The following CNNM2 variants were observed in gnomAD, a reference collection of about 807,000 sequenced individuals.
CNNM2 encodes the protein cyclin and CBS domain divalent metal cation transport mediator 2, also known as metal transporter CNNM2.
A neutral mutation model predicts 66.9 loss-of-function variants in CNNM2; 12 were observed. That is an observed-to-expected ratio of 0.18 (90% CI 0.11 to 0.29). CNNM2 has a LOEUF of 0.29. CNNM2 is among the 10% of genes least tolerant of loss of function. The pLI is 1.00. For synonymous variants in CNNM2, 557 were observed against 501.8 expected (o/e 1.11, Z -1.47); for missense variants, 705 against 1,167.7 (o/e 0.60, Z 5.77).
intron 4 of CNNM2, 112 bp downstream of exon 4, chr10:103,057,076 C>G (rs1395965672): frequency 9.7e-7 from 1 of 1,030,718 alleles, no homozygotes; most frequent in African/African-American, 1.6e-5. Flanking sequence ...TAGGGGGTAG[C>G]CTTAGACATG....
chr10:103,055,514 A>T (rs2065281216), intron 3 of CNNM2, among the ~76,000 whole-genome samples: 1 of 152,282 alleles, frequency 6.6e-6, no homozygotes, highest in Non-Finnish European at 1.5e-5. Flanking sequence ...ACACATGTAT[A>T]CATGAGCACA....
intron 7 of CNNM2, 29 bp downstream of exon 7, chr10:103,076,299 A>C: frequency 6.5e-7 from 1 of 1,548,506 alleles, no homozygotes; most frequent in Non-Finnish European, 8.7e-7. Flanking sequence ...GTGTGGCTGG[A>C]CCTGGCAGTT....
chr10:103,055,218 G>A (rs2065276978), intron 3 of CNNM2, among the ~76,000 whole-genome samples: 1 of 152,182 alleles, frequency 6.6e-6, no homozygotes, highest in African/African-American at 2.4e-5. Flanking sequence ...GGGGAAGTGT[G>A]AGAAAGTCTA....
At position 102,968,622 on chromosome 10, in the gene CNNM2, TC is replaced by T. The variant is rs1277547863; in HGVS notation, c.1621+48522del. 5.9e-5 allele frequency among the ~76,000 whole-genome samples: 9 copies of T among 151,900 alleles called. No individual in the cohort carries two copies. In the East Asian group the frequency reaches 1.5e-3, roughly 26 times the overall value. On this transcript the variant is annotated intron_variant, in intron 1 of 7. Coordinates refer to ENST00000369878, the MANE Select transcript of CNNM2 (RefSeq NM_017649.5). ...GGAGTGTAGTGCTTTTTTTTTTTTT[TC>T]TTTGAGACAGGGTCTTGCTCTGCCT... is the stretch of plus-strand genomic sequence containing the variant.
At chr10:103,060,499 C>T (rs903201598) in intron 4 of CNNM2, among the ~76,000 whole-genome samples, 7 of 151,334 alleles carry the variant, frequency 4.6e-5, no homozygotes, top group African/African-American at 1.7e-4. Flanking sequence ...GAGCCGAGAT[C>T]GTGCCACTGC....
chr10:103,017,658 A>G (rs1430260795), intron 1 of CNNM2, among the ~76,000 whole-genome samples: 1 of 152,212 alleles, frequency 6.6e-6, no homozygotes, highest in Non-Finnish European at 1.5e-5. Context: ...ATAAACAGCA[A>G]GAAGTGCCTA....
chr10:102,984,094 A>G (rs1016006336), intron 1 of CNNM2, among the ~76,000 whole-genome samples: 2 of 152,202 alleles, frequency 1.3e-5, no homozygotes, highest in Non-Finnish European at 2.9e-5. Flanking sequence ...GGTTGGCAGT[A>G]GTTGTTCAGT....
intron 1 of CNNM2, among the ~76,000 whole-genome samples, chr10:103,045,987 TG>T (rs1029650162): frequency 1.3e-5 from 2 of 152,212 alleles, no homozygotes; most frequent in African/African-American, 4.8e-5. Flanking sequence ...AATAATATAG[TG>T]GGGTTTTTTC....
rs563314757 is a variant in CNNM2, at chr10:103,087,608, C to T, written c.*10428C>T. 1 of 152,276 alleles carries T rather than the reference C, an allele frequency of 6.6e-6. No homozygotes were observed. The highest frequency in any genetic ancestry group is 2.4e-5 in the African/African-American group (1 of 41,562). The allele number at this position is 152,276 out of a possible 1,614,324, so 9.4% of individuals were successfully genotyped here. ...TAAATGTACTATTATAATAAGGTAG[C>T]TCTGCAGATGTAATAAGCTACTCAT... On this transcript the variant is annotated 3_prime_UTR_variant, in exon 8 of 8. Coordinates refer to ENST00000369878, the MANE Select transcript of CNNM2 (RefSeq NM_017649.5).
At chr10:103,022,126 A>G (rs1185483978) in intron 1 of CNNM2, among the ~76,000 whole-genome samples, 1 of 152,110 alleles carries the variant, frequency 6.6e-6, no homozygotes, top group Non-Finnish European at 1.5e-5. Flanking sequence ...GACCTGTGAA[A>G]CTGCAGTTTC....
intron 1 of CNNM2, among the ~76,000 whole-genome samples, chr10:102,979,322 TAC>T (rs1313148161): frequency 6.6e-6 from 1 of 152,230 alleles, no homozygotes; most frequent in Non-Finnish European, 1.5e-5. Flanking sequence ...CTGAAATTCT[TAC>T]AGTGGCATAT....
rs934500499 is a variant in CNNM2, at chr10:103,054,797, G to A, written c.1903+331G>A. Among the ~76,000 whole-genome samples, 7 of 152,100 alleles carry A rather than the reference G, an allele frequency of 4.6e-5. No homozygotes were observed. Among genetic ancestry groups the A allele is most frequent in the Admixed American group, 1.3e-4 (2 of 15,268 alleles). On this transcript the variant is annotated intron_variant, in intron 3 of 7. Coordinates refer to ENST00000369878, the MANE Select transcript of CNNM2 (RefSeq NM_017649.5). This position sits in a 1 kb window ranked among gnomAD's most constrained non-coding sequence, Gnocchi z 5.2. Reference sequence around the variant, plus strand: ...AGGCCATCTCCTTCCAGCTAGGTCCGTGGGAGAGCCAGCTGGCGGAGCAGG... The same window carrying A: ...AGGCCATCTCCTTCCAGCTAGGTCCATGGGAGAGCCAGCTGGCGGAGCAGG...
At chr10:102,936,512 CTT>C (rs1344024447) in intron 1 of CNNM2, among the ~76,000 whole-genome samples, 17 of 119,480 alleles carry the variant, frequency 1.4e-4, no homozygotes, top group African/African-American at 3.7e-4. Flanking sequence ...AAATGAAACT[CTT>C]TGCTTTTTTT....
intron 1 of CNNM2, among the ~76,000 whole-genome samples, chr10:102,984,645 G>A (rs1227147688): frequency 1.3e-5 from 2 of 152,096 alleles, no homozygotes; most frequent in African/African-American, 4.8e-5. Flanking sequence ...AAATATAATT[G>A]TGTAATCTTG....
At chr10:103,045,579 C>A (rs561448340) in intron 1 of CNNM2, among the ~76,000 whole-genome samples, 1 of 152,034 alleles carries the variant, frequency 6.6e-6, no homozygotes, top group Admixed American at 6.5e-5. Flanking sequence ...ATTTAAAGCT[C>A]TTGCACCCCA....
chr10:102,976,611 ATTTTTTTTTTTTTTTTTT>A (rs66498944), intron 1 of CNNM2, among the ~76,000 whole-genome samples: 1 of 59,448 alleles, frequency 1.7e-5, no homozygotes, highest in African/African-American at 7.9e-5. Context: ...CGCCCAGGTA[ATTTTTTTTTTTTTTTTTT>A]TTTTTTTTTT....
Position 102,919,086 on chromosome 10 carries a change from C to T in CNNM2, c.606C>T (p.Ala202=), listed in dbSNP as rs1479082138. 6.2e-7 allele frequency: 1 copy of T among 1,611,810 alleles called. No homozygotes were observed. Among genetic ancestry groups the T allele is most frequent in the African/African-American group, 1.3e-5 (1 of 74,884 alleles). ...CGCTCTCCACGCCCGCCCTGGGCGC[C>T]GGCGGCTCGGGGTCCACGGGTGGCG... ...CTSLSTPALG[A]GGSGSTGGAV... Residue 202 remains alanine (A), a synonymous_variant, in exon 1 of 8, where the codon GCC becomes GCT. Transcript: ENST00000369878.
At position 103,054,403 on chromosome 10, in the gene CNNM2, A is replaced by G; in HGVS notation, c.1840A>G (p.Ser614Gly). 1 of 1,613,910 alleles carries G rather than the reference A, an allele frequency of 6.2e-7. No homozygotes were observed. Among genetic ancestry groups the G allele is most frequent in the Non-Finnish European group, 8.5e-7 (1 of 1,179,856 alleles). ...TTTTTCTGCCTTTAAGCAGACAGAC[A>G]GTGAGATGAAGGTTAAAATATCACC... ...QDFSAFKQTD[S>G]EMKVKISPQL... The change falls in exon 3 of 8, where the codon AGT (serine) becomes GGT (glycine). Residue 614 changes from serine (S) to glycine (G), a missense_variant. Coordinates refer to ENST00000369878, the MANE Select transcript of CNNM2 (RefSeq NM_017649.5). This position sits in a 1 kb window ranked among gnomAD's most constrained non-coding sequence, Gnocchi z 5.2.
chr10:103,058,338 T>C (rs1336376769), intron 4 of CNNM2, among the ~76,000 whole-genome samples: 1 of 152,100 alleles, frequency 6.6e-6, no homozygotes, highest in African/African-American at 2.4e-5. Context: ...CTCATAAGAG[T>C]GAGATGCGAA....
Sources: gnomAD v4.1 joint callset for allele counts (sites outside exome capture counted in the v4.1 genomes callset) on GRCh38, gnomAD v4.1.1 for gene constraint, Gnocchi (gnomAD v3.1) non-coding constraint, MANE v1.5 for transcripts, NCBI Gene and HGNC (gene_info 2026-07-23, HGNC 2026-07-21) for gene names.